CADM2: variants seen among roughly 807,000 people sequenced by gnomAD.
The protein encoded by CADM2 is immunoglobulin superfamily member 4D.
CADM2 carries 12 observed loss-of-function variants against 49.8 expected under a neutral mutation model. That is an observed-to-expected ratio of 0.24 (90% CI 0.15 to 0.39). CADM2 has a LOEUF of 0.39. Ranked by LOEUF, CADM2 falls within the 10% of genes least tolerant of loss-of-function variation. The pLI is 1.00. For missense variants in CADM2, 378 were observed against 492.3 expected, an observed-to-expected ratio of 0.77 and a Z score of 2.20; for synonymous variants, 214 against 175.4, an observed-to-expected ratio of 1.22 and a Z score of -1.74.
chr3:85,376,219 A>G (rs947950268), intron 1 of CADM2, among the ~76,000 whole-genome samples: 3 of 152,098 alleles, frequency 2.0e-5, no homozygotes, highest in African/African-American at 2.4e-5. Context: ...CATGCATGTT[A>G]CCAAACTGCA....
intron 1 of CADM2, among the ~76,000 whole-genome samples, chr3:85,572,436 G>C (rs533099359): frequency 6.6e-6 from 1 of 152,240 alleles, no homozygotes; most frequent in Non-Finnish European, 1.5e-5. Context: ...CCAGAAAGAA[G>C]CAATAAGATG....
At chr3:85,256,484 C>A (rs1322227059) in intron 1 of CADM2, among the ~76,000 whole-genome samples, 4 of 152,012 alleles carry the variant, frequency 2.6e-5, no homozygotes, top group Admixed American at 6.6e-5. Flanking sequence ...AACTCTGAGG[C>A]CAAAGGGCGA....
At chr3:85,203,624 A>G (rs2041562774) in intron 1 of CADM2, among the ~76,000 whole-genome samples, 1 of 152,210 alleles carries the variant, frequency 6.6e-6, no homozygotes, top group Non-Finnish European at 1.5e-5. Context: ...ATGCTTTTGA[A>G]AAAAAGCAGT....
At chr3:85,173,709 T>C (rs559865747) in intron 1 of CADM2, among the ~76,000 whole-genome samples, 2 of 152,284 alleles carry the variant, frequency 1.3e-5, no homozygotes, top group East Asian at 3.9e-4. Flanking sequence ...AATCGAACCC[T>C]GCAGTAATAT....
intron 1 of CADM2, among the ~76,000 whole-genome samples, chr3:85,166,415 G>A (rs532841849): frequency 6.6e-6 from 1 of 151,712 alleles, no homozygotes; most frequent in East Asian, 1.9e-4. Flanking sequence ...CAAGATTCTA[G>A]AATAAAAAAT....
chr3:85,171,453 A>T (rs760439647), intron 1 of CADM2, among the ~76,000 whole-genome samples: 9 of 152,236 alleles, frequency 5.9e-5, no homozygotes, highest in Non-Finnish European at 1.2e-4. Flanking sequence ...ATTTTTATGC[A>T]TATATCCAGT....
At chr3:85,897,810 A>G (rs1715459027) in intron 5 of CADM2, among the ~76,000 whole-genome samples, 2 of 152,216 alleles carry the variant, frequency 1.3e-5, no homozygotes, top group Admixed American at 1.3e-4. Context: ...TGTAAACCAG[A>G]CATTGCAAAT....
intron 1 of CADM2, among the ~76,000 whole-genome samples, chr3:85,283,274 T>C (rs529811364): frequency 1.3e-5 from 2 of 152,030 alleles, no homozygotes; most frequent in South Asian, 2.1e-4. Context: ...TTTTTGACAT[T>C]ATCATGTTTA....
chr3:85,188,416 A>G (rs2041117294), intron 1 of CADM2, among the ~76,000 whole-genome samples: 1 of 152,180 alleles, frequency 6.6e-6, no homozygotes, highest in Non-Finnish European at 1.5e-5. Flanking sequence ...AGTATTTGAC[A>G]CAAAATTCAG....
chr3:86,007,058 A>G (rs1730885333), intron 8 of CADM2, among the ~76,000 whole-genome samples: 1 of 151,930 alleles, frequency 6.6e-6, no homozygotes, highest in African/African-American at 2.4e-5. Context: ...AAAAATAAAA[A>G]TTAATTAATT....
At chr3:85,758,546 A>G (rs549891745) in intron 2 of CADM2, among the ~76,000 whole-genome samples, 3 of 152,270 alleles carry the variant, frequency 2.0e-5, no homozygotes, top group African/African-American at 7.2e-5. Flanking sequence ...ACACAGACAA[A>G]TTTATTCATA....
intron 1 of CADM2, among the ~76,000 whole-genome samples, chr3:84,997,735 G>A (rs1458980364): frequency 6.6e-6 from 1 of 151,776 alleles, no homozygotes; most frequent in African/African-American, 2.4e-5. Context: ...TTTTCCAAAT[G>A]GAAATATTGA....
At chr3:85,426,317 A>G (rs1284343779) in intron 1 of CADM2, among the ~76,000 whole-genome samples, 1 of 151,800 alleles carries the variant, frequency 6.6e-6, no homozygotes, top group Non-Finnish European at 1.5e-5. Flanking sequence ...TATTTTTTGT[A>G]GAGACGTTCT....
chr3:85,477,279 C>A (rs1377667786), intron 1 of CADM2, among the ~76,000 whole-genome samples: 1 of 147,056 alleles, frequency 6.8e-6, no homozygotes. Context: ...CACATACAGA[C>A]ACGTATTAGT....
At chr3:86,017,916 G>A (rs1577964172) in intron 8 of CADM2, among the ~76,000 whole-genome samples, 1 of 142,048 alleles carries the variant, frequency 7.0e-6, no homozygotes, top group African/African-American at 2.6e-5. Context: ...TAGGGTACAT[G>A]TGCACATTGT....
intron 1 of CADM2, among the ~76,000 whole-genome samples, chr3:85,189,585 T>A (rs1036233300): frequency 6.6e-6 from 1 of 152,218 alleles, no homozygotes; most frequent in Non-Finnish European, 1.5e-5. Context: ...CTCCAGAAGC[T>A]TAGTATTTTA....
chr3:85,731,100 T>C (rs1296019919), intron 2 of CADM2, among the ~76,000 whole-genome samples: 1 of 152,132 alleles, frequency 6.6e-6, no homozygotes, highest in Non-Finnish European at 1.5e-5. Context: ...ACATAAATGA[T>C]TTATTCATAG....
At chr3:86,019,362 C>G (rs1482706864) in intron 8 of CADM2, among the ~76,000 whole-genome samples, 1 of 145,814 alleles carries the variant, frequency 6.9e-6, no homozygotes. Context: ...GTGATGCGGG[C>G]TCTTTTTTGG....
At chr3:85,528,397 C>T (rs914621446) in intron 1 of CADM2, among the ~76,000 whole-genome samples, 3 of 152,184 alleles carry the variant, frequency 2.0e-5, no homozygotes, top group African/African-American at 7.2e-5. Flanking sequence ...ACTATGACTT[C>T]AAAATGTGGA....
Sources: allele counts gnomAD v4.1 joint callset (sites outside exome capture counted in the v4.1 genomes callset), GRCh38; gene constraint gnomAD v4.1.1; transcripts MANE v1.5; gene names NCBI Gene and HGNC (gene_info 2026-07-23, HGNC 2026-07-21).